The following ELAVL4 variants were observed in gnomAD, a reference collection of about 807,000 sequenced individuals.
ELAVL4 encodes ELAV like RNA binding protein 4.
A neutral mutation model predicts 35.6 loss-of-function variants in ELAVL4; 1 was observed. The observed-to-expected ratio is 0.03, with a 90% confidence interval of 0.01 to 0.13. The LOEUF is 0.13. Among genes scored for constraint, ELAVL4 ranks in the 10% least tolerant of loss-of-function variants. The probability of loss-of-function intolerance (pLI) is 1.00; values close to 1 mark genes in which losing one functional copy is unlikely to be tolerated. For synonymous variants in ELAVL4, 156 were observed against 171.0 expected (o/e 0.91, Z 0.69); for missense variants, 267 against 464.9 (o/e 0.57, Z 3.91).
At chr1:50,121,987 A>G (rs1276397629) in intron 1 of ELAVL4, among the ~76,000 whole-genome samples, 4 of 152,108 alleles carry the variant, frequency 2.6e-5, no homozygotes, top group Non-Finnish European at 5.9e-5. Flanking sequence ...TCTTGATATG[A>G]GTCAGACACT....
rs1396236662 is a variant in ELAVL4 at position 50,203,220 on chromosome 1, A to G, written c.*2042A>G. 1.3e-5 allele frequency: 2 copies of G among 152,086 alleles called. No individual in the cohort carries two copies. Among genetic ancestry groups the G allele is most frequent in the African/African-American group, 4.8e-5 (2 of 41,410 alleles). The allele number at this position is 152,086 out of a possible 1,614,324, so 9.4% of individuals were successfully genotyped here. A position where few individuals can be genotyped will look rare whatever the true frequency, so the allele number is the denominator to read the frequency against. On this transcript the variant is annotated 3_prime_UTR_variant, in exon 7 of 7. Transcript: ENST00000371824. The stretch of plus-strand genomic sequence containing the variant: ...TTATGGTTATTTATAACTTGTGCTT[A>G]TTTTGTGCATTTTTTCCCATGCTGA...
chr1:50,146,909 T>C (rs1165724269), intron 2 of ELAVL4, among the ~76,000 whole-genome samples: 4 of 152,162 alleles, frequency 2.6e-5, no homozygotes, highest in Admixed American at 2.0e-4. Flanking sequence ...CATGGTGTTG[T>C]TCCTTGTTTT....
intron 2 of ELAVL4, among the ~76,000 whole-genome samples, chr1:50,149,334 G>T (rs1674317275): frequency 6.6e-6 from 1 of 151,604 alleles, no homozygotes; most frequent in East Asian, 2.0e-4. Context: ...GGAGGCGGAG[G>T]TTGCATTGAG....
In ELAVL4 at chr1:50,108,958, C is replaced by A; in HGVS notation, c.-232C>A. The A allele has an allele frequency of 1.5e-5, 18 of 1,232,898 alleles. No homozygotes were observed. The highest frequency in any genetic ancestry group is 1.8e-5 in the Non-Finnish European group (18 of 986,988). The allele number at this position is 1,232,898 out of a possible 1,614,324, so 76.4% of individuals were successfully genotyped here. A position where few individuals can be genotyped will look rare whatever the true frequency, so the allele number is the denominator to read the frequency against. ...CAAGGCTCTGTTCAGTTGTTCTTAT[C>A]TACATCCTAGAATCGGGGGTTTCAG... is the stretch of plus-strand genomic sequence containing the variant. On this transcript the variant is annotated 5_prime_UTR_variant, in exon 1 of 7. Coordinates refer to ENST00000371824, the MANE Select transcript of ELAVL4 (RefSeq NM_001144774.3).
intron 2 of ELAVL4, among the ~76,000 whole-genome samples, chr1:50,160,902 T>G (rs1370433126): frequency 1.3e-5 from 2 of 152,250 alleles, no homozygotes; most frequent in African/African-American, 4.8e-5. Context: ...AAGAATGGTG[T>G]CTGGTGGGAG....
rs1282992699 is a variant in ELAVL4 at position 50,183,004 on chromosome 1, C to T, written c.354+5812C>T. ...TCCCGAGTAGCTGGGATTACAGGCACCTGCCACCACGCCCGGCTGATTTTT... is the reference window on the plus strand; with the variant it reads ...TCCCGAGTAGCTGGGATTACAGGCATCTGCCACCACGCCCGGCTGATTTTT... On this transcript the variant is annotated intron_variant, in intron 3 of 6. Transcript: ENST00000371824. 4.0e-5 allele frequency among the ~76,000 whole-genome samples: 6 copies of T among 151,842 alleles called. No individual in the cohort carries two copies. In the South Asian group the frequency reaches 1.2e-3, roughly 32 times the overall value.
upstream of ELAVL4, among the ~76,000 whole-genome samples, chr1:50,100,752 A>G (rs78401090): frequency 0.028 from 4,238 of 152,330 alleles, 167 homozygotes; most frequent in African/African-American, 0.096. Context: ...AACTTTGCTC[A>G]CAAGATTAAG....
chr1:50,178,323 T>G (rs1312193827), intron 3 of ELAVL4, among the ~76,000 whole-genome samples: 1 of 152,308 alleles, frequency 6.6e-6, no homozygotes, highest in East Asian at 1.9e-4. Flanking sequence ...AAACCAGAAC[T>G]TTTTAGTCCA....
chr1:50,144,126 C>T (rs1673282295), intron 1 of ELAVL4, among the ~76,000 whole-genome samples: 1 of 152,166 alleles, frequency 6.6e-6, no homozygotes, highest in South Asian at 2.1e-4. Flanking sequence ...CTATAAGCTC[C>T]CTGAGGATAG....
intron 2 of ELAVL4, among the ~76,000 whole-genome samples, chr1:50,155,609 C>A (rs1409751575): frequency 1.3e-5 from 2 of 152,114 alleles, no homozygotes; most frequent in African/African-American, 4.8e-5. Context: ...CTGAAGCAGG[C>A]CTTCCTTGCC....
intron 1 of ELAVL4, among the ~76,000 whole-genome samples, chr1:50,051,058 G>A (rs1161113543): frequency 6.6e-6 from 1 of 152,016 alleles, no homozygotes; most frequent in Non-Finnish European, 1.5e-5. Context: ...GTAGAAACAA[G>A]CCAAAAATTA....
At chr1:50,108,801 C>A, upstream of ELAVL4, 1 of 411,824 alleles carries the variant, frequency 2.4e-6, no homozygotes, top group Non-Finnish European at 3.3e-6. Context: ...GTCAATCTGG[C>A]AGTAGCTAAT....
intron 4 of ELAVL4, 25 bp downstream of exon 4, chr1:50,193,943 T>C: frequency 6.2e-7 from 1 of 1,612,370 alleles, no homozygotes; most frequent in Non-Finnish European, 8.5e-7. Context: ...TGTAATTTCT[T>C]TCCTTGTATA....
intron 3 of ELAVL4, among the ~76,000 whole-genome samples, chr1:50,190,005 T>A (rs1238685654): frequency 6.6e-6 from 1 of 152,194 alleles, no homozygotes; most frequent in Non-Finnish European, 1.5e-5. Context: ...ACTTCAGATC[T>A]TCCATAGAGA....
At chr1:50,177,422 A>T (rs1680239857) in intron 3 of ELAVL4, among the ~76,000 whole-genome samples, 2 of 152,232 alleles carry the variant, frequency 1.3e-5, no homozygotes, top group Non-Finnish European at 2.9e-5. Flanking sequence ...TTAAGAGGGC[A>T]GATGGGATAT....
chr1:50,166,136 A>G (rs994633194), intron 2 of ELAVL4, among the ~76,000 whole-genome samples: 13 of 152,076 alleles, frequency 8.5e-5, no homozygotes, highest in Non-Finnish European at 1.5e-5. Context: ...CAACACCCTC[A>G]CAGACACGCC....
intron 1 of ELAVL4, among the ~76,000 whole-genome samples, chr1:50,095,925 G>A (rs990586544): frequency 6.6e-6 from 1 of 152,100 alleles, no homozygotes. Context: ...TTCCACTTTC[G>A]AGTTTCTGAT....
chr1:50,193,140 A>G (rs1233629303), intron 3 of ELAVL4, among the ~76,000 whole-genome samples: 2 of 152,184 alleles, frequency 1.3e-5, no homozygotes, highest in African/African-American at 2.4e-5. Flanking sequence ...ATGTGACGAC[A>G]AGGTCACATA....
chr1:50,053,126 G>T (rs1465143961), intron 1 of ELAVL4, among the ~76,000 whole-genome samples: 4 of 152,106 alleles, frequency 2.6e-5, no homozygotes, highest in African/African-American at 7.2e-5. Context: ...AAATACTGCA[G>T]CTTTTACTTT....
Sources: allele counts gnomAD v4.1 joint callset (sites outside exome capture counted in the v4.1 genomes callset), GRCh38; gene constraint gnomAD v4.1.1; transcripts MANE v1.5; gene names NCBI Gene and HGNC (gene_info 2026-07-23, HGNC 2026-07-21).